The following TGFBR3 variants were observed in gnomAD, a reference collection of about 807,000 sequenced individuals.
TGFBR3 encodes transforming growth factor beta receptor 3.
Under a neutral mutation model 87.9 loss-of-function variants are expected in TGFBR3, and 46 were observed. That is an observed-to-expected ratio of 0.52 (90% CI 0.41 to 0.67). TGFBR3 has a LOEUF of 0.67. TGFBR3 is among the 30% of genes least tolerant of loss of function. TGFBR3 has a pLI of 0.00. For synonymous variants in TGFBR3, 381 were observed against 391.6 expected (o/e 0.97, Z 0.32); for missense variants, 866 against 1,041.9 (o/e 0.83, Z 2.32).
chr1:91,905,403 C>T (rs1411838375), intron 1 of TGFBR3, among the ~76,000 whole-genome samples: 1 of 152,122 alleles, frequency 6.6e-6, no homozygotes, highest in Non-Finnish European at 1.5e-5. Context: ...TTTTCTATTA[C>T]TCACAACCGT....
At chr1:91,733,007 G>A (rs888206323) in intron 5 of TGFBR3, among the ~76,000 whole-genome samples, 6 of 152,144 alleles carry the variant, frequency 3.9e-5, no homozygotes, top group Admixed American at 2.6e-4. Flanking sequence ...TCAGAAACGC[G>A]GCCCGCTGGC....
intron 3 of TGFBR3, among the ~76,000 whole-genome samples, chr1:91,782,806 G>A (rs1223535737): frequency 6.6e-6 from 1 of 152,118 alleles, no homozygotes; most frequent in Non-Finnish European, 1.5e-5. Flanking sequence ...CTCCCCCAAG[G>A]CACCTCGGTA....
At chr1:91,709,022 T>G (rs1231134614) in intron 13 of TGFBR3, among the ~76,000 whole-genome samples, 5 of 152,236 alleles carry the variant, frequency 3.3e-5, no homozygotes, top group Non-Finnish European at 7.3e-5. Flanking sequence ...CTTCTCAATA[T>G]TGTCCTCCCC....
chr1:91,766,198 C>CT (rs749978314), intron 3 of TGFBR3, among the ~76,000 whole-genome samples: 45,291 of 114,308 alleles, frequency 0.4, 10,086 homozygotes, highest in Non-Finnish European at 0.43. Flanking sequence ...AGTTTGTTTT[C>CT]TTTTTTTTTT....
At chr1:91,834,978 C>T (rs938936013) in intron 2 of TGFBR3, among the ~76,000 whole-genome samples, 19 of 152,122 alleles carry the variant, frequency 1.2e-4, no homozygotes, top group African/African-American at 3.6e-4. Context: ...CTGTGCCTGG[C>T]GGTGAGATAA....
intron 2 of TGFBR3, among the ~76,000 whole-genome samples, chr1:91,845,882 A>T (rs1187498931): frequency 1.3e-5 from 2 of 152,212 alleles, no homozygotes; most frequent in African/African-American, 4.8e-5. Flanking sequence ...TTTAACACTT[A>T]AAACCTGAAT....
chr1:91,695,928 A>ATTTT (rs746563403), intron 15 of TGFBR3, 149 bp from the exon 16 acceptor site: 62 of 717,922 alleles, frequency 8.6e-5, no homozygotes, highest in Non-Finnish European at 1.4e-4. Context: ...AATACACTGT[A>ATTTT]TTTTGTAACT....
intron 2 of TGFBR3, among the ~76,000 whole-genome samples, chr1:91,852,430 C>T (rs531525693): frequency 9.2e-5 from 14 of 152,208 alleles, no homozygotes; most frequent in East Asian, 1.9e-4. Context: ...TGTTTGCACA[C>T]GCATGCACGC....
At chr1:91,684,385 CT>C (rs1219253606) in intron 16 of TGFBR3, among the ~76,000 whole-genome samples, 1 of 152,154 alleles carries the variant, frequency 6.6e-6, no homozygotes, top group Non-Finnish European at 1.5e-5. Flanking sequence ...TAGAGAGAGC[CT>C]TGTGTGCCAA....
At chr1:91,752,905 T>C (rs1039087441) in intron 4 of TGFBR3, among the ~76,000 whole-genome samples, 7 of 151,294 alleles carry the variant, frequency 4.6e-5, no homozygotes, top group Non-Finnish European at 1.0e-4. Flanking sequence ...TACATGCCTG[T>C]AATCCCAGCT....
chr1:91,698,442 A>G (rs202003488), intron 14 of TGFBR3, among the ~76,000 whole-genome samples: 22,217 of 151,914 alleles, frequency 0.15, 1,797 homozygotes, highest in Non-Finnish European at 0.19. Context: ...ATTTACTTAC[A>G]AAAAAATTCA....
upstream of TGFBR3, among the ~76,000 whole-genome samples, chr1:91,887,061 A>G (rs1679340689): frequency 1.3e-5 from 2 of 152,006 alleles, no homozygotes; most frequent in African/African-American, 4.8e-5. Flanking sequence ...ATTGTTTTAC[A>G]AACAGGCAGG....
At chr1:91,758,793 T>G in intron 3 of TGFBR3, 43 bp from the exon 4 acceptor site, 2 of 1,613,028 alleles carry the variant, frequency 1.2e-6, no homozygotes, top group Non-Finnish European at 1.7e-6. Flanking sequence ...AGCCCTGGCT[T>G]TCCATGAAAA....
At position 91,765,527 on chromosome 1, in the gene TGFBR3, T is replaced by G. The variant is rs565878888; in HGVS notation, c.247-6777A>C. Among the ~76,000 whole-genome samples the G allele has an allele frequency of 1.3e-4, 20 of 152,116 alleles. No homozygotes were observed. In the South Asian group the frequency reaches 2.3e-3, roughly 17 times the overall value. On this transcript the variant is annotated intron_variant, in intron 3 of 16. Transcript: ENST00000212355. ...ATGCTGGACAGCATGCCAAGGCCAC[T>G]CCCAGGCTTTGTAGGACAAGCCACC...
chr1:91,737,509 G>C (rs1408183581), intron 4 of TGFBR3, among the ~76,000 whole-genome samples: 1 of 152,032 alleles, frequency 6.6e-6, no homozygotes, highest in Non-Finnish European at 1.5e-5. Context: ...TAAGACTTCT[G>C]ACTCCTGGTC....
chr1:91,712,667 T>C (rs2100761291), intron 12 of TGFBR3, 125 bp from the exon 13 acceptor site: 1 of 819,700 alleles, frequency 1.2e-6, no homozygotes, highest in South Asian at 1.5e-5. Flanking sequence ...AACATAGTTA[T>C]AGCCTTCTTT....
At chr1:91,869,291 C>T (rs1004459256) in intron 1 of TGFBR3, among the ~76,000 whole-genome samples, 1 of 152,148 alleles carries the variant, frequency 6.6e-6, no homozygotes, top group African/African-American at 2.4e-5. Flanking sequence ...CACAGTCTAC[C>T]TACACTTGGC....
intron 4 of TGFBR3, among the ~76,000 whole-genome samples, chr1:91,748,883 A>T (rs1371399127): frequency 1.3e-5 from 2 of 152,062 alleles, no homozygotes; most frequent in Admixed American, 6.5e-5. Context: ...CAACAAAAGC[A>T]CCTACTTCAC....
intron 1 of TGFBR3, among the ~76,000 whole-genome samples, chr1:91,871,683 C>T (rs1678586084): frequency 6.6e-6 from 1 of 152,100 alleles, no homozygotes; most frequent in Non-Finnish European, 1.5e-5. Flanking sequence ...GGAAAAACCT[C>T]CCAGGCAGTG....
Sources: allele counts gnomAD v4.1 joint callset (sites outside exome capture counted in the v4.1 genomes callset), GRCh38; gene constraint gnomAD v4.1.1; transcripts MANE v1.5; gene names NCBI Gene and HGNC (gene_info 2026-07-23, HGNC 2026-07-21).